Variants in GRM1 observed in about 807,000 individuals in gnomAD.
GRM1 encodes metabotropic glutamate receptor 1.
A neutral mutation model predicts 90.9 loss-of-function variants in GRM1; 33 were observed. The observed-to-expected ratio is 0.36, with a 90% confidence interval of 0.28 to 0.49. GRM1 has a LOEUF of 0.49. GRM1 is among the 20% of genes least tolerant of loss of function. GRM1 has a pLI of 0.99. For synonymous variants in GRM1, 700 were observed against 613.2 expected (o/e 1.14, Z -2.09); for missense variants, 1,190 against 1,534.3 (o/e 0.78, Z 3.75).
chr6:146,423,415 C>T (rs1778074010), intron 7 of GRM1, among the ~76,000 whole-genome samples: 1 of 151,636 alleles, frequency 6.6e-6, no homozygotes, highest in African/African-American at 2.4e-5. Flanking sequence ...CACTTCAATG[C>T]AAAGTGAAAG....
intron 6 of GRM1, among the ~76,000 whole-genome samples, chr6:146,396,947 C>T (rs1776961037): frequency 6.6e-6 from 1 of 152,128 alleles, no homozygotes; most frequent in South Asian, 2.1e-4. Context: ...CCTAGGACAA[C>T]TACATAAATT....
At chr6:146,042,695 G>C (rs988318280) in intron 1 of GRM1, among the ~76,000 whole-genome samples, 2 of 152,140 alleles carry the variant, frequency 1.3e-5, no homozygotes, top group Non-Finnish European at 2.9e-5. Context: ...AGCCAATTGA[G>C]ATGAGAAACC....
chr6:146,141,146 T>C (rs1776864340), intron 1 of GRM1, among the ~76,000 whole-genome samples: 1 of 152,212 alleles, frequency 6.6e-6, no homozygotes. Flanking sequence ...TCACTGAATA[T>C]ATTATTATTC....
intron 2 of GRM1, among the ~76,000 whole-genome samples, chr6:146,192,765 T>G (rs1340559426): frequency 6.6e-6 from 1 of 152,220 alleles, no homozygotes; most frequent in Non-Finnish European, 1.5e-5. Context: ...GTGAATTGTA[T>G]GTACTAGCAA....
chr6:146,117,690 A>G (rs1405099747), intron 1 of GRM1, among the ~76,000 whole-genome samples: 1 of 152,080 alleles, frequency 6.6e-6, no homozygotes, highest in Non-Finnish European at 1.5e-5. Flanking sequence ...TAATGTATAT[A>G]TTTGTATAAA....
chr6:146,433,045 AC>A (rs1464328872), intron 7 of GRM1, among the ~76,000 whole-genome samples: 3 of 152,116 alleles, frequency 2.0e-5, no homozygotes, highest in African/African-American at 7.2e-5. Flanking sequence ...TTTGCATCAA[AC>A]TATCCTAAAG....
chr6:146,063,745 A>G (rs774132479), intron 1 of GRM1, among the ~76,000 whole-genome samples: 5 of 152,136 alleles, frequency 3.3e-5, no homozygotes, highest in Non-Finnish European at 7.4e-5. Context: ...CTATATATTA[A>G]TATCAACATT....
chr6:146,357,571 C>T lies in GRM1; in HGVS notation c.1479C>T (p.Asp493=), dbSNP rs868511150. 6.2e-7 allele frequency: 1 copy of T among 1,613,492 alleles called. No homozygotes were observed. The highest frequency in any genetic ancestry group is 1.3e-5 in the African/African-American group (1 of 74,896). ...AGTACACTGAAGCTAATCGCTATGA[C>T]TATGTGCACGTTGGAACCTGGCATG... The part of the protein sequence containing the change: ...NLQYTEANRY[D]YVHVGTWHEG... Residue 493 remains aspartate, a synonymous_variant, in exon 5 of 8, where the codon GAC becomes GAT. Coordinates refer to ENST00000282753, the MANE Select transcript of GRM1 (RefSeq NM_001278064.2).
At chr6:146,109,143 G>A (rs1775443117) in intron 1 of GRM1, among the ~76,000 whole-genome samples, 1 of 152,166 alleles carries the variant, frequency 6.6e-6, no homozygotes, top group Admixed American at 6.5e-5. Context: ...AAGTAATGAG[G>A]AGCCAAATGT....
Position 146,056,938 on chromosome 6 carries a change from G to T in GRM1, c.700+26721G>T, listed in dbSNP as rs558200206. On this transcript the variant is annotated intron_variant, in intron 1 of 7. Transcript: ENST00000282753. ...TAAACATATTAATAAGCTCTCACCA[G>T]AAGAACTGTGAACAGATGCAGTTCT... Among the ~76,000 whole-genome samples, 45 of 152,250 alleles carry T rather than the reference G, an allele frequency of 3.0e-4. 2 individuals are homozygous for T. In the South Asian group the frequency reaches 9.1e-3, roughly 31 times the overall value.
At chr6:146,060,365 C>G (rs1262057683) in intron 1 of GRM1, among the ~76,000 whole-genome samples, 5 of 151,742 alleles carry the variant, frequency 3.3e-5, no homozygotes, top group Non-Finnish European at 7.4e-5. Context: ...AAGGATAGTA[C>G]CCAACAGGTA....
chr6:146,307,005 G>A (rs1783600385), intron 3 of GRM1, among the ~76,000 whole-genome samples: 1 of 152,162 alleles, frequency 6.6e-6, no homozygotes, highest in Admixed American at 6.6e-5. Flanking sequence ...TAAAATTCAG[G>A]ATACTACTTA....
chr6:146,208,757 A>G (rs1779578790), intron 2 of GRM1, among the ~76,000 whole-genome samples: 1 of 152,148 alleles, frequency 6.6e-6, no homozygotes, highest in Admixed American at 6.6e-5. Flanking sequence ...TACTGGCAGT[A>G]TTTTGTCAAT....
chr6:146,089,558 T>G (rs914489440), intron 1 of GRM1, among the ~76,000 whole-genome samples: 3 of 152,148 alleles, frequency 2.0e-5, no homozygotes, highest in Non-Finnish European at 2.9e-5. Context: ...CCAGATTTTA[T>G]TTATTTTTGC....
In GRM1 at chr6:146,400,364, T is replaced by A. The variant is rs114481438; in HGVS notation, c.2660+665T>A. On this transcript the variant is annotated intron_variant, in intron 7 of 7. Transcript: ENST00000282753. Reference sequence around the variant, plus strand: ...TTGGGTCATCTCTGCTACTGCAAAGTCATGATCAGAATAGTTTCTTAGTCA... The same window carrying A: ...TTGGGTCATCTCTGCTACTGCAAAGACATGATCAGAATAGTTTCTTAGTCA... Among the ~76,000 whole-genome samples the A allele has an allele frequency of 2.2e-3, 333 of 152,134 alleles. 2 individuals carry two copies. Among genetic ancestry groups the A allele is most frequent in the African/African-American group, 7.8e-3 (323 of 41,492 alleles).
At chr6:146,300,699 G>C (rs1783346695) in intron 2 of GRM1, among the ~76,000 whole-genome samples, 3 of 152,352 alleles carry the variant, frequency 2.0e-5, no homozygotes, top group South Asian at 4.1e-4. Context: ...GCTTCACAGA[G>C]AGTCCAGTGC....
intron 1 of GRM1, among the ~76,000 whole-genome samples, chr6:146,099,368 C>T (rs1430806067): frequency 1.3e-5 from 2 of 152,062 alleles, no homozygotes; most frequent in Non-Finnish European, 2.9e-5. Context: ...AGAGCGAGAC[C>T]CTGTCTAAAA....
At position 146,122,137 on chromosome 6, in the gene GRM1, A is replaced by T. The variant is rs190606415; in HGVS notation, c.701-37211A>T. Among the ~76,000 whole-genome samples, 123 of 152,266 alleles carry T rather than the reference A, an allele frequency of 8.1e-4. 1 individual carries two copies. The highest frequency in any genetic ancestry group is 2.9e-3 in the African/African-American group (120 of 41,542). Reference sequence around the variant, plus strand: ...GAGACAAGACCATAATGGTAAAGGGATATATTTATTTTTTAACTTAAATAA... The same window carrying T: ...GAGACAAGACCATAATGGTAAAGGGTTATATTTATTTTTTAACTTAAATAA... On this transcript the variant is annotated intron_variant, in intron 1 of 7. Transcript: ENST00000282753.
intron 6 of GRM1, among the ~76,000 whole-genome samples, chr6:146,391,785 G>T (rs1776733164): frequency 6.6e-6 from 1 of 151,976 alleles, no homozygotes; most frequent in Admixed American, 6.6e-5. Flanking sequence ...TTCTGTTTTG[G>T]ATGGTTCCAG....
Sources: gnomAD v4.1 joint callset for allele counts (sites outside exome capture counted in the v4.1 genomes callset) on GRCh38, gnomAD v4.1.1 for gene constraint, MANE v1.5 for transcripts, NCBI Gene and HGNC (gene_info 2026-07-23, HGNC 2026-07-21) for gene names.